The following GRIP2 variants were observed in gnomAD, a reference collection of about 807,000 sequenced individuals.
GRIP2 encodes glutamate receptor interacting protein 2.
GRIP2 carries 58 observed loss-of-function variants against 108.3 expected under a neutral mutation model. The observed-to-expected ratio is 0.54, with a 90% CI of 0.43 to 0.67. The LOEUF (loss-of-function observed/expected upper bound fraction) is 0.67. Ranked by LOEUF, GRIP2 falls within the 30% of genes least tolerant of loss-of-function variation. The pLI is 0.00. For missense variants in GRIP2, 1,278 were observed against 1,430.6 expected, an observed-to-expected ratio of 0.89 and a Z score of 1.72; for synonymous variants, 586 against 598.2, an observed-to-expected ratio of 0.98 and a Z score of 0.30.
At chr3:14,558,179 C>T (rs1437257951), upstream of GRIP2, among the ~76,000 whole-genome samples, 1 of 152,188 alleles carries the variant, frequency 6.6e-6, no homozygotes, top group Non-Finnish European at 1.5e-5. Context: ...GAAACTGAAG[C>T]TCAGAGAGGT....
intron 1 of GRIP2, among the ~76,000 whole-genome samples, chr3:14,536,910 C>T (rs1694848550): frequency 6.6e-6 from 1 of 152,188 alleles, no homozygotes; most frequent in South Asian, 2.1e-4. Context: ...TCCTGATGCT[C>T]GCCCTGGCCA....
At chr3:14,517,402 A>G (rs988547582) in intron 10 of GRIP2, among the ~76,000 whole-genome samples, 189 bp from the exon 11 acceptor site, 1 of 149,452 alleles carries the variant, frequency 6.7e-6, no homozygotes, top group Non-Finnish European at 1.5e-5. Flanking sequence ...CAGGGTTTCC[A>G]TAGACCCTGT....
the GRIP2 span, among the ~76,000 whole-genome samples, chr3:14,586,093 C>T: frequency 7.9e-5 from 12 of 152,186 alleles, no homozygotes; most frequent in African/African-American, 2.4e-4. Flanking sequence ...GCACTCTTGC[C>T]CCAGGGCCTT....
chr3:14,566,629 A>G, the GRIP2 span, among the ~76,000 whole-genome samples: 96 of 152,352 alleles, frequency 6.3e-4, no homozygotes, highest in African/African-American at 2.3e-3. Flanking sequence ...TTCAGTGTTC[A>G]AAGGGACAGT....
At chr3:14,576,658 C>T in the GRIP2 span, among the ~76,000 whole-genome samples, 7 of 152,300 alleles carry the variant, frequency 4.6e-5, no homozygotes, top group South Asian at 4.1e-4. Context: ...ACAGCCTGAC[C>T]GTCGGGCAAC....
Position 14,517,216 on chromosome 3 carries a change from G to T in GRIP2, c.1157-3C>A. The T allele has an allele frequency of 6.4e-7, 1 of 1,570,418 alleles. No individual in the cohort carries two copies. Among genetic ancestry groups the T allele is most frequent in the South Asian group, 1.2e-5 (1 of 84,338 alleles). ...GGAAAAGGGAGTTGAAGACAAGGCT[G>T]GGGAGATGAGAGCACAGCCCCGTGA... On this transcript the variant is annotated splice_polypyrimidine_tract_variant and splice_region_variant and intron_variant, in intron 10 of 23. Transcript: ENST00000621039.
intron 1 of GRIP2, among the ~76,000 whole-genome samples, chr3:14,550,891 G>A (rs2124978562): frequency 6.6e-6 from 1 of 152,298 alleles, no homozygotes; most frequent in Non-Finnish European, 1.5e-5. Context: ...GCTGCTAGTG[G>A]CTGCTGGCCA....
At chr3:14,544,222 C>T (rs950357431), upstream of GRIP2, among the ~76,000 whole-genome samples, 21 of 152,120 alleles carry the variant, frequency 1.4e-4, no homozygotes, top group African/African-American at 4.8e-4. Flanking sequence ...ACGGTCACCA[C>T]ATGCTCTTCC....
chr3:14,573,703 T>C, the GRIP2 span: 2 of 1,418,308 alleles, frequency 1.4e-6, no homozygotes, highest in East Asian at 2.3e-5. Flanking sequence ...ATCGGCCACT[T>C]GGTAATGTCT....
chr3:14,561,334 G>A, the GRIP2 span, among the ~76,000 whole-genome samples: 12 of 152,298 alleles, frequency 7.9e-5, no homozygotes, highest in East Asian at 1.7e-3. Context: ...GTGTGGCCTC[G>A]AGCAAGTCTC....
intron 1 of GRIP2, among the ~76,000 whole-genome samples, chr3:14,527,420 G>GAAAGC (rs1332281770): frequency 8.7e-5 from 5 of 57,672 alleles, no homozygotes; most frequent in South Asian, 2.2e-3. Context: ...GAAAGCGAGG[G>GAAAGC]GAGGGGAGGG....
intron 21 of GRIP2, among the ~76,000 whole-genome samples, chr3:14,497,550 G>A (rs1693646866): frequency 6.6e-6 from 1 of 152,176 alleles, no homozygotes; most frequent in Non-Finnish European, 1.5e-5. Flanking sequence ...GGTGGCTGGG[G>A]GCCAGTCCTG....
the GRIP2 span, chr3:14,574,043 G>T: frequency 6.7e-7 from 1 of 1,498,936 alleles, no homozygotes; most frequent in Non-Finnish European, 9.3e-7. Context: ...CGATCCAGAA[G>T]TTCTCCTGCT....
the GRIP2 span, among the ~76,000 whole-genome samples, chr3:14,578,758 C>T: frequency 5.9e-4 from 89 of 150,428 alleles, no homozygotes; most frequent in African/African-American, 1.9e-3. Context: ...TGGGTTTTTT[C>T]TCCCTTATTT....
chr3:14,531,650 G>C (rs1186016698), intron 1 of GRIP2, among the ~76,000 whole-genome samples: 1 of 152,178 alleles, frequency 6.6e-6, no homozygotes, highest in East Asian at 1.9e-4. Flanking sequence ...GAGGAGGTAG[G>C]TGCTGCGATC....
chr3:14,578,741 G>A, the GRIP2 span, among the ~76,000 whole-genome samples: 1 of 151,368 alleles, frequency 6.6e-6, no homozygotes, highest in East Asian at 1.9e-4. Context: ...AAGAATTTAT[G>A]AAGGAATGGG....
chr3:14,542,123 C>T, upstream of GRIP2: 2 of 1,181,606 alleles, frequency 1.7e-6, no homozygotes, highest in Non-Finnish European at 2.2e-6. Flanking sequence ...CTTCTTTCTC[C>T]CTCTTTCTCT....
intron 23 of GRIP2, among the ~76,000 whole-genome samples, chr3:14,494,353 C>G (rs79781763): frequency 0.011 from 1,623 of 152,280 alleles, 24 homozygotes; most frequent in Non-Finnish European, 0.017. Flanking sequence ...CAAAAATAGC[C>G]AGGGCATGAG....
chr3:14,541,612 C>T (rs1041717434), upstream of GRIP2, among the ~76,000 whole-genome samples: 2 of 152,220 alleles, frequency 1.3e-5, no homozygotes, highest in African/African-American at 2.4e-5. Flanking sequence ...AAATCTGGGG[C>T]AGGGCTACTT....
Sources: gnomAD v4.1 joint callset for allele counts (sites outside exome capture counted in the v4.1 genomes callset) on GRCh38, gnomAD v4.1.1 for gene constraint, MANE v1.5 for transcripts, NCBI Gene and HGNC (gene_info 2026-07-23, HGNC 2026-07-21) for gene names.